DHRSX: variants seen among roughly 807,000 people sequenced by gnomAD.
DHRSX encodes the protein polyprenol dehydrogenase.
A neutral mutation model predicts 34.0 loss-of-function variants in DHRSX; 31 were observed. The observed-to-expected ratio is 0.91, with a 90% CI of 0.69 to 1.23. The LOEUF (loss-of-function observed/expected upper bound fraction) is 1.23. Ranked by LOEUF, DHRSX falls within the 50% of genes most tolerant of loss-of-function variation. The probability of loss-of-function intolerance (pLI) is 0.00; values close to 1 mark genes in which losing one functional copy is unlikely to be tolerated. For missense variants in DHRSX, 414 were observed against 428.1 expected, an observed-to-expected ratio of 0.97 and a Z score of 0.29; for synonymous variants, 201 against 183.8, an observed-to-expected ratio of 1.09 and a Z score of -0.76.
intron 1 of DHRSX, among the ~76,000 whole-genome samples, chrX:2,435,269 A>G (rs1292625812): frequency 6.6e-6 from 1 of 152,200 alleles, no homozygotes; most frequent in Admixed American, 6.5e-5. Context: ...AACTCGGTAC[A>G]AAAACCCACA....
intron 3 of DHRSX, among the ~76,000 whole-genome samples, chrX:2,325,199 G>A (rs1265119876): frequency 1.3e-5 from 2 of 152,044 alleles, no homozygotes; most frequent in Non-Finnish European, 2.9e-5. Flanking sequence ...AGGACCTAGG[G>A]ACTAGACACG....
intron 5 of DHRSX, among the ~76,000 whole-genome samples, chrX:2,263,179 G>A (rs1298139047): frequency 2.6e-5 from 4 of 152,306 alleles, no homozygotes; most frequent in South Asian, 2.1e-4. Context: ...AGGCGAGTCC[G>A]ACTGTGTGCT....
intron 3 of DHRSX, among the ~76,000 whole-genome samples, chrX:2,371,297 T>G (rs1053514257): frequency 2.0e-5 from 3 of 147,222 alleles, no homozygotes; most frequent in South Asian, 2.2e-4. Flanking sequence ...TAGTCCCTCC[T>G]CCATTACCAT....
intron 3 of DHRSX, among the ~76,000 whole-genome samples, chrX:2,357,503 C>T (rs2042870693): frequency 6.6e-6 from 1 of 151,892 alleles, no homozygotes; most frequent in African/African-American, 2.4e-5. Context: ...ATCCTAAAAG[C>T]ATCAAGGGAG....
At chrX:2,340,775 GGAGACATCA>G (rs1470884384) in intron 3 of DHRSX, among the ~76,000 whole-genome samples, 2 of 152,220 alleles carry the variant, frequency 1.3e-5, no homozygotes, top group African/African-American at 4.8e-5. Flanking sequence ...GCTCGTGAGA[GGAGACATCA>G]GACAACTGGC....
At chrX:2,420,486 T>C (rs1241263624) in intron 2 of DHRSX, among the ~76,000 whole-genome samples, 1 of 151,512 alleles carries the variant, frequency 6.6e-6, no homozygotes, top group African/African-American at 2.4e-5. Flanking sequence ...GGCTCACGCC[T>C]GTAATACCAG....
intron 1 of DHRSX, among the ~76,000 whole-genome samples, chrX:2,433,425 T>G (rs1048127415): frequency 9.2e-5 from 14 of 152,086 alleles, no homozygotes; most frequent in African/African-American, 3.4e-4. Context: ...CTGGGATACA[T>G]GTGTAGAACG....
intron 3 of DHRSX, among the ~76,000 whole-genome samples, chrX:2,381,530 G>T (rs1227474516): frequency 6.6e-6 from 1 of 152,038 alleles, no homozygotes; most frequent in Non-Finnish European, 1.5e-5. Flanking sequence ...GCTGAGGCAG[G>T]AGAATCGCTT....
intron 1 of DHRSX, among the ~76,000 whole-genome samples, chrX:2,438,929 G>A (rs1222959919): frequency 2.0e-5 from 3 of 152,018 alleles, no homozygotes; most frequent in Admixed American, 6.6e-5. Context: ...GGTGGATCAT[G>A]AGGTCAGGAG....
intron 1 of DHRSX, among the ~76,000 whole-genome samples, chrX:2,428,089 C>A (rs1313886566): frequency 6.6e-6 from 1 of 152,062 alleles, no homozygotes. Flanking sequence ...AAAAAATAGA[C>A]ATCGAGGACT....
At chrX:2,228,606 A>C (rs1434901326) in intron 6 of DHRSX, among the ~76,000 whole-genome samples, 2 of 151,746 alleles carry the variant, frequency 1.3e-5, no homozygotes, top group African/African-American at 4.8e-5. Context: ...TGCATTTACC[A>C]ATTCTGGTTC....
intron 1 of DHRSX, among the ~76,000 whole-genome samples, chrX:2,444,103 G>A (rs921617683): frequency 6.6e-5 from 10 of 151,298 alleles, no homozygotes; most frequent in South Asian, 4.2e-4. Context: ...TACCATCACC[G>A]TTTTCCCTCT....
intron 6 of DHRSX, among the ~76,000 whole-genome samples, chrX:2,238,286 G>A (rs1381180759): frequency 6.6e-6 from 1 of 152,166 alleles, no homozygotes; most frequent in Admixed American, 6.6e-5. Flanking sequence ...CAGTCCAGCA[G>A]GTCGAGGCTG....
chrX:2,466,393 A>G (rs1267222741), intron 1 of DHRSX, among the ~76,000 whole-genome samples: 1 of 146,414 alleles, frequency 6.8e-6, no homozygotes, highest in Non-Finnish European at 1.5e-5. Context: ...AGCTGAGATC[A>G]CACCACTGCA....
At chrX:2,258,257 G>A (rs970619876) in intron 5 of DHRSX, among the ~76,000 whole-genome samples, 2 of 151,998 alleles carry the variant, frequency 1.3e-5, no homozygotes, top group Non-Finnish European at 2.9e-5. Context: ...AAGAGGAGAT[G>A]AGGACACACA....
intron 3 of DHRSX, among the ~76,000 whole-genome samples, chrX:2,295,409 A>G (rs1453576160): frequency 4.4e-4 from 65 of 148,834 alleles, no homozygotes; most frequent in African/African-American, 1.5e-3. Flanking sequence ...GGAACATCAC[A>G]CACCAGGGCT....
chrX:2,341,409 G>A (rs141333419), intron 3 of DHRSX, among the ~76,000 whole-genome samples: 2,367 of 152,140 alleles, frequency 0.016, 70 homozygotes, highest in African/African-American at 0.054. Flanking sequence ...GCCTCTCCCA[G>A]CTCCTGGGGG....
At chrX:2,338,325 T>C (rs1449228586) in intron 3 of DHRSX, among the ~76,000 whole-genome samples, 1 of 151,136 alleles carries the variant, frequency 6.6e-6, no homozygotes, top group African/African-American at 2.4e-5. Context: ...AGAGCGAGAC[T>C]CTGTTTCAAA....
chrX:2,483,712 G>T (rs1232785509), intron 1 of DHRSX, among the ~76,000 whole-genome samples: 1 of 149,688 alleles, frequency 6.7e-6, no homozygotes, highest in African/African-American at 2.5e-5. Flanking sequence ...CAGAGTGTGC[G>T]ATCTGAGCTG....
Sources: gnomAD v4.1 joint callset for allele counts (sites outside exome capture counted in the v4.1 genomes callset) on GRCh38, gnomAD v4.1.1 for gene constraint, MANE v1.5 for transcripts, NCBI Gene and HGNC (gene_info 2026-07-23, HGNC 2026-07-21) for gene names.